MCOLN1: variants seen among roughly 807,000 people sequenced by gnomAD.
MCOLN1 encodes the protein mucolipin-1.
A neutral mutation model predicts 70.3 loss-of-function variants in MCOLN1; 50 were observed. The observed-to-expected ratio is 0.71, with a 90% CI of 0.57 to 0.90. The LOEUF (loss-of-function observed/expected upper bound fraction) is 0.90, where lower values mean the gene tolerates loss of function less well. Ranked by LOEUF, MCOLN1 falls within the 40% of genes least tolerant of loss-of-function variation. MCOLN1 has a pLI of 0.00. For missense variants in MCOLN1, 598 were observed against 803.5 expected (o/e 0.74, Z 3.09); for synonymous variants, 366 against 341.0 (o/e 1.07, Z -0.81).
Position 7,524,350 on chromosome 19 carries a change from C to T in MCOLN1, c.32-611C>T, listed in dbSNP as rs977489644. On this transcript the variant is annotated intron_variant, in intron 1 of 13. Coordinates refer to ENST00000264079, the MANE Select transcript of MCOLN1 (RefSeq NM_020533.3). This position sits in a 1 kb window ranked among gnomAD's most constrained non-coding sequence, Gnocchi z 4.1. ...TATTATTACTTATGTTGTCAATTACCTCTTCTCCAGGTCCTTGGCTTCTGA... is the reference window on the plus strand; with the variant it reads ...TATTATTACTTATGTTGTCAATTACTTCTTCTCCAGGTCCTTGGCTTCTGA... Among the ~76,000 whole-genome samples, 1 of 152,198 alleles carries T rather than the reference C, an allele frequency of 6.6e-6. No homozygotes were observed. Among genetic ancestry groups the T allele is most frequent in the African/African-American group, 2.4e-5 (1 of 41,432 alleles).
chr19:7,529,500 G>GGGGGCC, intron 10 of MCOLN1, 90 bp from the exon 11 acceptor site: 1 of 845,454 alleles, frequency 1.2e-6, no homozygotes, highest in Non-Finnish European at 1.9e-6. Context: ...CCCTCGGCAA[G>GGGGGCC]GCCCCGCCCC....
Position 7,528,009 on chromosome 19 carries a change from C to T in MCOLN1, c.777+49C>T. On this transcript the variant is annotated intron_variant, in intron 6 of 13. Transcript: ENST00000264079. This position sits in a 1 kb window ranked among gnomAD's most constrained non-coding sequence, Gnocchi z 4.2. Reference sequence around the variant, plus strand: ...GGGCTCCTGAGTTCCAGGGCAGGGACCTGGTCAGGGAGTGTCTTGGGAGCA... The same window carrying T: ...GGGCTCCTGAGTTCCAGGGCAGGGATCTGGTCAGGGAGTGTCTTGGGAGCA... The T allele has an allele frequency of 6.4e-7, 1 of 1,571,442 alleles. No individual in the cohort carries two copies.
Position 7,529,611 on chromosome 19 carries a change from G to A in MCOLN1, c.1258G>A (p.Val420Met). The change falls in exon 11 of 14, where the codon GTG (valine) becomes ATG (methionine). Residue 420 changes from valine to methionine, a missense_variant. Physicochemically the swap from Val to Met is conservative, Grantham distance 21. Transcript: ENST00000264079. ...CCAGATCCTCATCGCCACACTGCGG[G>A]TGGCCCTGCCCAGCGTCATGCGCTT... ...NYNILIATLR[V>M]ALPSVMRFCC... 6.2e-7 allele frequency: 1 copy of A among 1,614,034 alleles called. No individual in the cohort carries two copies. Among genetic ancestry groups the A allele is most frequent in the Non-Finnish European group, 8.5e-7 (1 of 1,179,964 alleles).
chr19:7,533,509 G>A lies in MCOLN1; in HGVS notation c.1576-14G>A. 4 of 1,610,428 alleles carry A rather than the reference G, an allele frequency of 2.5e-6. No homozygotes were observed. Among genetic ancestry groups the A allele is most frequent in the Non-Finnish European group, 3.4e-6 (4 of 1,179,546 alleles). ...AGCCACTTTCAGGCTGAGCCTCCCG[G>A]CTTCTCTCCCCAGCATCCCGGCGGC... On this transcript the variant is annotated splice_polypyrimidine_tract_variant and intron_variant, in intron 12 of 13. Coordinates refer to ENST00000264079, the MANE Select transcript of MCOLN1 (RefSeq NM_020533.3).
intron 12 of MCOLN1, among the ~76,000 whole-genome samples, chr19:7,532,672 G>A (rs1229346496): frequency 6.6e-6 from 1 of 152,152 alleles, no homozygotes; most frequent in Non-Finnish European, 1.5e-5. Flanking sequence ...CCGAGATCAA[G>A]CCACTGCACT....
At chr19:7,531,197 CTAT>C (rs1004342234) in intron 12 of MCOLN1, among the ~76,000 whole-genome samples, 1 of 150,700 alleles carries the variant, frequency 6.6e-6, no homozygotes, top group African/African-American at 2.4e-5. Context: ...CACACCCAGC[CTAT>C]TATTATTATT....
intron 12 of MCOLN1, among the ~76,000 whole-genome samples, chr19:7,532,720 C>G (rs1377206998): frequency 7.2e-5 from 11 of 152,112 alleles, no homozygotes; most frequent in Admixed American, 7.2e-4. Context: ...GCTTCAAAGA[C>G]AAAACAACAA....
At chr19:7,529,354 A>C in intron 10 of MCOLN1, 152 bp downstream of exon 10, 1 of 922,678 alleles carries the variant, frequency 1.1e-6, no homozygotes, top group South Asian at 1.4e-5. Context: ...CTGTCACTGC[A>C]CCTGCGCGGG....
In MCOLN1 at chr19:7,528,500, G is replaced by T. The variant is rs142591956; in HGVS notation, c.878-97G>T. ...GCCCACTGACCAACCAAAACCAGCC[G>T]TGCAGCCCCCTAGGTCTCCAGCCTG... On this transcript the variant is annotated intron_variant, in intron 7 of 13. Coordinates refer to ENST00000264079, the MANE Select transcript of MCOLN1 (RefSeq NM_020533.3). The surrounding 1 kb of genome is among the most constrained non-coding windows in gnomAD (Gnocchi z 4.2). 29 of 1,521,640 alleles carry T rather than the reference G, an allele frequency of 1.9e-5. No homozygotes were observed. Among genetic ancestry groups the T allele is most frequent in the South Asian group, 1.3e-4 (11 of 85,898 alleles). The allele number at this position is 1,521,640 out of a possible 1,614,324, so 94.3% of individuals were successfully genotyped here.
Position 7,529,623 on chromosome 19 carries a change from A to G in MCOLN1, c.1270A>G (p.Ser424Gly). 1 of 1,601,132 alleles carries G rather than the reference A, an allele frequency of 6.2e-7. No individual in the cohort carries two copies. Among genetic ancestry groups the G allele is most frequent in the Non-Finnish European group, 8.5e-7 (1 of 1,172,658 alleles). ...CGCCACACTGCGGGTGGCCCTGCCCAGCGTCATGCGCTTCTGCTGCTGCGT... is the reference window on the plus strand; with the variant it reads ...CGCCACACTGCGGGTGGCCCTGCCCGGCGTCATGCGCTTCTGCTGCTGCGT... The part of the protein sequence containing the change: ...LIATLRVALP[S>G]VMRFCCCVAV... Residue 424 changes from serine (S) to glycine (G), a missense_variant, in exon 11 of 14, where the codon AGC becomes GGC. Ser to Gly is a moderately conservative substitution (Grantham distance 56). Around this residue, in one of 3 missense-constraint regions of MCOLN1, gnomAD observed 461 missense variants for 588.4 expected, o/e 0.78. Coordinates refer to ENST00000264079, the MANE Select transcript of MCOLN1 (RefSeq NM_020533.3).
In MCOLN1 at chr19:7,527,618, A is replaced by G; in HGVS notation, c.670A>G (p.Lys224Glu). The stretch of plus-strand genomic sequence containing the variant: ...CTCCAGTTACAAGAACCTCACGCTC[A>G]AATTCCACAAGTACTGCCTGCTCAC... The part of the protein sequence containing the change: ...SSSSYKNLTL[K>E]FHKLVNVTIH... The change falls in exon 5 of 14, where the codon AAA becomes GAA. Residue 224 changes from lysine to glutamate, a missense_variant. This residue lies in a region of MCOLN1 where 461 missense variants were observed against 588.4 expected (regional missense o/e 0.78). Coordinates refer to ENST00000264079, the MANE Select transcript of MCOLN1 (RefSeq NM_020533.3). 1 of 1,608,940 alleles carries G rather than the reference A, an allele frequency of 6.2e-7. No homozygotes were observed. The highest frequency in any genetic ancestry group is 8.5e-7 in the Non-Finnish European group (1 of 1,175,280).
intron 4 of MCOLN1, 197 bp downstream of exon 4, chr19:7,527,123 T>C: frequency 1.4e-6 from 1 of 695,494 alleles, no homozygotes. Flanking sequence ...CACAAACAAA[T>C]TAGCTGGGCG....
chr19:7,527,989 C>T (rs1251577465), intron 6 of MCOLN1, 29 bp downstream of exon 6: 1 of 1,593,608 alleles, frequency 6.3e-7, no homozygotes, highest in Non-Finnish European at 8.6e-7. Context: ...CCACAGGGCT[C>T]CTGAGTTCCA....
At chr19:7,527,369 C>T (rs1479864657) in intron 4 of MCOLN1, 151 bp from the exon 5 acceptor site, 2 of 667,838 alleles carry the variant, frequency 3.0e-6, no homozygotes, top group African/African-American at 3.6e-5. Context: ...ATGGCTCATT[C>T]AGTAAAACAT....
intron 1 of MCOLN1, 83 bp downstream of exon 1, chr19:7,522,864 CTCTTTT>C: frequency 8.4e-7 from 1 of 1,184,522 alleles, no homozygotes; most frequent in Non-Finnish European, 1.1e-6. Flanking sequence ...AGCTCCTAGT[CTCTTTT>C]TTTCTAAGCT....
At position 7,528,307 on chromosome 19, in the gene MCOLN1, C is replaced by G. The variant is rs112139640; in HGVS notation, c.877+50C>G. On this transcript the variant is annotated intron_variant, in intron 7 of 13. Transcript: ENST00000264079. This position sits in a 1 kb window ranked among gnomAD's most constrained non-coding sequence, Gnocchi z 4.2. ...CACTGACCAGGGGCCCTGGCCTGTC[C>G]TGGGATTCCCCAAGCCCCAGATCAG... 2 of 1,554,194 alleles carry G rather than the reference C, an allele frequency of 1.3e-6. No homozygotes were observed. The highest frequency in any genetic ancestry group is 8.9e-7 in the Non-Finnish European group (1 of 1,126,572).
At position 7,528,140 on chromosome 19, in the gene MCOLN1, C is replaced by T. The variant is rs1426231583; in HGVS notation, c.778-18C>T. 2 of 1,613,236 alleles carry T rather than the reference C, an allele frequency of 1.2e-6. No homozygotes were observed. Among genetic ancestry groups the T allele is most frequent in the Non-Finnish European group, 1.7e-6 (2 of 1,179,386 alleles). ...TGGGGCTGCCAAGGTTTACTCTGCC[C>T]CCAACTGGCCCCCACAGATCACGTT... On this transcript the variant is annotated intron_variant, in intron 6 of 13. Transcript: ENST00000264079. The surrounding 1 kb of genome is among the most constrained non-coding windows in gnomAD (Gnocchi z 4.2).
At chr19:7,533,139 A>G (rs749810913) in intron 12 of MCOLN1, among the ~76,000 whole-genome samples, 1 of 152,238 alleles carries the variant, frequency 6.6e-6, no homozygotes, top group Non-Finnish European at 1.5e-5. Flanking sequence ...CTTAGCACGT[A>G]GACATCACAC....
chr19:7,527,193 G>A (rs1245380561), intron 4 of MCOLN1: 5 of 562,342 alleles, frequency 8.9e-6, no homozygotes, highest in East Asian at 6.6e-5. Flanking sequence ...GATCGCTTGA[G>A]TCCGGGAGGT....
Sources: gnomAD v4.1 joint callset for allele counts (sites outside exome capture counted in the v4.1 genomes callset) on GRCh38, gnomAD v4.1.1 for gene constraint, gnomAD v4.1.1 regional missense constraint, Gnocchi (gnomAD v3.1) non-coding constraint, MANE v1.5 for transcripts, NCBI Gene and HGNC (gene_info 2026-07-23, HGNC 2026-07-21) for gene names.